Variants in CANX observed in about 807,000 individuals in gnomAD.
CANX encodes calnexin.
A neutral mutation model predicts 75.7 loss-of-function variants in CANX; 14 were observed. The ratio of observed to expected loss-of-function variants is 0.19; its 90% CI spans 0.12 to 0.29. The LOEUF (loss-of-function observed/expected upper bound fraction) is 0.29, where lower values mean the gene tolerates loss of function less well. CANX is among the 10% of genes least tolerant of loss of function. CANX has a pLI of 1.00. For synonymous variants in CANX, 227 were observed against 236.9 expected, an observed-to-expected ratio of 0.96 and a Z score of 0.38; for missense variants, 567 against 713.2, an observed-to-expected ratio of 0.79 and a Z score of 2.34.
intron 8 of CANX, among the ~76,000 whole-genome samples, chr5:179,718,034 T>C (rs1778071625): frequency 6.6e-6 from 1 of 151,924 alleles, no homozygotes. Context: ...TTAGACATGA[T>C]CTCTGTGTTG....
rs1268686167 is a variant in CANX at position 179,730,675 on chromosome 5, T to C, written c.*2031T>C. 3 of 152,248 alleles carry C rather than the reference T, an allele frequency of 2.0e-5. No homozygotes were observed. Among genetic ancestry groups the C allele is most frequent in the Non-Finnish European group, 4.4e-5 (3 of 68,050 alleles). The allele number at this position is 152,248 out of a possible 1,614,324, so 9.4% of individuals were successfully genotyped here. On this transcript the variant is annotated 3_prime_UTR_variant, in exon 15 of 15. Coordinates refer to ENST00000247461, the MANE Select transcript of CANX (RefSeq NM_001746.4). ...ACAAAAACGCCTTTTCTTGGTTCTT[T>C]TTTCAGTTATTTTGAAGGTCCAGCA...
chr5:179,678,709 C>A, exon 1 of CANX: 2 of 1,536,952 alleles, frequency 1.3e-6, no homozygotes, highest in Non-Finnish European at 1.7e-6. Context: ...TGCGCTGCTT[C>A]TCCAGCAAGT....
intron 1 of CANX, among the ~76,000 whole-genome samples, chr5:179,681,852 G>A (rs796138196): frequency 3.9e-4 from 59 of 152,056 alleles, no homozygotes; most frequent in African/African-American, 9.9e-4. Context: ...AGAGGCTGAG[G>A]TGGGAGGATC....
chr5:179,705,920 T>G, intron 2 of CANX, 68 bp downstream of exon 2: 308 of 1,201,346 alleles, frequency 2.6e-4, no homozygotes, highest in Non-Finnish European at 3.4e-4. Flanking sequence ...GATACCCGGG[T>G]GCAGGGAAAT....
intron 1 of CANX, among the ~76,000 whole-genome samples, chr5:179,686,672 A>G (rs1427332276): frequency 2.0e-5 from 3 of 150,474 alleles, no homozygotes; most frequent in Non-Finnish European, 3.0e-5. Context: ...CCATGTTGCA[A>G]AACTCCTGGG....
At chr5:179,694,005 G>A (rs1036102962), upstream of CANX, among the ~76,000 whole-genome samples, 9 of 152,032 alleles carry the variant, frequency 5.9e-5, no homozygotes, top group South Asian at 8.3e-4. Context: ...TGGGCCGGGC[G>A]TGGTGGCTTA....
At position 179,714,047 on chromosome 5, in the gene CANX, G is replaced by A. The variant is rs186945877; in HGVS notation, c.722-2058G>A. Among the ~76,000 whole-genome samples, 479 of 152,192 alleles carry A rather than the reference G, an allele frequency of 3.1e-3. 1 individual carries two copies. Among genetic ancestry groups the A allele is most frequent in the Admixed American group, 5.9e-3 (90 of 15,272 alleles). Reference sequence around the variant, plus strand: ...GGAGTCTCTCTCTGTTGCCCAGGCTGGAGTGCAGTGGCCTGATCTCAGCTC... The same window carrying A: ...GGAGTCTCTCTCTGTTGCCCAGGCTAGAGTGCAGTGGCCTGATCTCAGCTC... On this transcript the variant is annotated intron_variant, in intron 7 of 14. Coordinates refer to ENST00000247461, the MANE Select transcript of CANX (RefSeq NM_001746.4).
At chr5:179,688,503 A>G (rs1337823093) in intron 1 of CANX, among the ~76,000 whole-genome samples, 1 of 150,586 alleles carries the variant, frequency 6.6e-6, no homozygotes, top group Non-Finnish European at 1.5e-5. Flanking sequence ...AGCTGGGAAT[A>G]TAGGTGCCCA....
chr5:179,719,816 G>GT lies in CANX; in HGVS notation c.1025+42dup, dbSNP rs772362884. 5.3e-6 allele frequency: 6 copies of GT among 1,136,908 alleles called. No homozygotes were observed. The African/African-American group carries it at 6.3e-5, about 12-fold the overall frequency. 70.4% of individuals were successfully genotyped at this position (1,136,908 alleles called of 1,614,324 possible). A position where few individuals can be genotyped will look rare whatever the true frequency, so the allele number is the denominator to read the frequency against. ...TCAGTTAACTTTTTTTAATTACCTG[G>GT]TTTTTTTGTTTGTTTTTTTTTTTGA... On this transcript the variant is annotated intron_variant, in intron 9 of 14. Coordinates refer to ENST00000247461, the MANE Select transcript of CANX (RefSeq NM_001746.4).
At chr5:179,726,976 C>T (rs911742190) in intron 14 of CANX, among the ~76,000 whole-genome samples, 5 of 152,182 alleles carry the variant, frequency 3.3e-5, no homozygotes, top group South Asian at 2.1e-4. Context: ...AGCTGAAAAT[C>T]ATTTTCTGAA....
chr5:179,693,846 A>T (rs1776343269), upstream of CANX, among the ~76,000 whole-genome samples: 1 of 152,074 alleles, frequency 6.6e-6, no homozygotes, highest in Non-Finnish European at 1.5e-5. Context: ...AAAAAAAAAA[A>T]AGTTTAATTT....
rs200699131 is a variant in CANX at position 179,725,605 on chromosome 5, G to A, written c.1645+822G>A. Among the ~76,000 whole-genome samples, 12 of 150,478 alleles carry A rather than the reference G, an allele frequency of 8.0e-5. No homozygotes were observed. The East Asian group carries it at 2.4e-3, about 30-fold the overall frequency. On this transcript the variant is annotated intron_variant, in intron 13 of 14. Coordinates refer to ENST00000247461, the MANE Select transcript of CANX (RefSeq NM_001746.4). ...TGAGGCAGGAGAATGGCGTGAACCT[G>A]GGAAGGCAGAGCTTACAGTGAGCCG...
Position 179,730,545 on chromosome 5 carries a change from A to G in CANX, c.*1901A>G, listed in dbSNP as rs546041302. The G allele has an allele frequency of 1.3e-5, 2 of 152,338 alleles. No individual in the cohort carries two copies. Among genetic ancestry groups the G allele is most frequent in the South Asian group, 2.1e-4 (1 of 4,820 alleles). The allele number at this position is 152,338 out of a possible 1,614,324, so 9.4% of individuals were successfully genotyped here. On this transcript the variant is annotated 3_prime_UTR_variant, in exon 15 of 15. Coordinates refer to ENST00000247461, the MANE Select transcript of CANX (RefSeq NM_001746.4). ...GCCTCCTTCACCCTCCGTTGACAGT[A>G]TATGTCATGCCTCACTTTCTTCTAG...
intron 13 of CANX, 22 bp from the exon 14 acceptor site, chr5:179,726,656 TCA>T (rs760381180): frequency 6.6e-7 from 1 of 1,524,822 alleles, no homozygotes; most frequent in East Asian, 2.3e-5. Flanking sequence ...AAGGTTTTGC[TCA>T]GTTGTTTAAC....
At chr5:179,705,016 G>T (rs904931566) in intron 1 of CANX, among the ~76,000 whole-genome samples, 1 of 150,924 alleles carries the variant, frequency 6.6e-6, no homozygotes, top group Admixed American at 6.6e-5. Flanking sequence ...TTTTTGAGAC[G>T]AACTCTTGCT....
At chr5:179,679,281 C>T in intron 1 of CANX, 3 of 1,510,208 alleles carry the variant, frequency 2.0e-6, no homozygotes, top group Non-Finnish European at 2.6e-6. Context: ...AGACAAGAGT[C>T]CGGGTGAGCA....
rs773293232 is a variant in CANX, at chr5:179,724,780, C to T, written c.1642C>T (p.Leu548Phe). The part of the protein sequence containing the change: ...GDEEEEGEEK[L>F]EEKQKSDAEE... ...TGAGGAGGAGGAAGGAGAAGAGAAA[C>T]TTGGTAAGAAACAGAGTCCAGAAAA... The change falls in exon 13 of 15, where the codon CTT becomes TTT. Residue 548 changes from leucine (L) to phenylalanine (F), a missense_variant. Physicochemically the swap from Leu to Phe is conservative, Grantham distance 22 (BLOSUM62 0). Around this residue, in one of 3 missense-constraint regions of CANX, gnomAD observed 167 missense variants for 179.3 expected, o/e 0.93. Coordinates refer to ENST00000247461, the MANE Select transcript of CANX (RefSeq NM_001746.4). 6 of 1,604,998 alleles carry T rather than the reference C, an allele frequency of 3.7e-6. No individual in the cohort carries two copies. The South Asian group carries it at 6.7e-5, about 18-fold the overall frequency.
chr5:179,692,225 C>T (rs1776310586), intron 1 of CANX, among the ~76,000 whole-genome samples: 1 of 152,082 alleles, frequency 6.6e-6, no homozygotes, highest in Non-Finnish European at 1.5e-5. Context: ...CAGGTACGCA[C>T]CACCATGCCC....
intron 7 of CANX, among the ~76,000 whole-genome samples, chr5:179,711,954 C>T (rs914684875): frequency 8.0e-5 from 12 of 150,362 alleles, no homozygotes; most frequent in East Asian, 1.9e-4. Context: ...AAAAATTAGC[C>T]GGGTGGGGTG....
Sources: gnomAD v4.1 joint callset for allele counts (sites outside exome capture counted in the v4.1 genomes callset) on GRCh38, gnomAD v4.1.1 for gene constraint, gnomAD v4.1.1 regional missense constraint, MANE v1.5 for transcripts, NCBI Gene and HGNC (gene_info 2026-07-23, HGNC 2026-07-21) for gene names.